The following ERBB4 variants were observed in gnomAD, a reference collection of about 807,000 sequenced individuals.
The protein encoded by ERBB4 is receptor tyrosine-protein kinase erbB-4.
A neutral mutation model predicts 158.0 loss-of-function variants in ERBB4; 42 were observed. That is an observed-to-expected ratio of 0.27 (90% confidence interval 0.21 to 0.34). The LOEUF (loss-of-function observed/expected upper bound fraction) is 0.34. Ranked by LOEUF, ERBB4 falls within the 10% of genes least tolerant of loss-of-function variation. The pLI, the probability that ERBB4 is intolerant of heterozygous loss-of-function variation, is 1.00. For synonymous variants in ERBB4, 583 were observed against 558.7 expected (o/e 1.04, Z -0.61); for missense variants, 1,333 against 1,624.1 (o/e 0.82, Z 3.08).
chr2:211,707,839 T>C (rs1360782652), intron 9 of ERBB4, among the ~76,000 whole-genome samples: 2 of 152,172 alleles, frequency 1.3e-5, no homozygotes, highest in Admixed American at 1.3e-4. Flanking sequence ...TTTTAATTGA[T>C]GAATTGCCAG....
chr2:211,831,887 C>T (rs978585851), intron 3 of ERBB4, among the ~76,000 whole-genome samples: 7 of 149,892 alleles, frequency 4.7e-5, no homozygotes, highest in Non-Finnish European at 7.4e-5. Context: ...TGGGCAACAA[C>T]AGCGAGACTC....
chr2:212,475,181 G>A (rs1050123986), intron 1 of ERBB4, among the ~76,000 whole-genome samples: 1 of 152,076 alleles, frequency 6.6e-6, no homozygotes, highest in African/African-American at 2.4e-5. Context: ...CTCTAGCTAT[G>A]CCAGCTTTAT....
At chr2:212,216,319 T>A (rs2105939826) in intron 1 of ERBB4, among the ~76,000 whole-genome samples, 1 of 151,514 alleles carries the variant, frequency 6.6e-6, no homozygotes, top group Non-Finnish European at 1.5e-5. Flanking sequence ...AAAAATGCAA[T>A]ATGTATCAAA....
At chr2:212,031,271 A>G (rs1024110174) in intron 2 of ERBB4, among the ~76,000 whole-genome samples, 111 of 152,104 alleles carry the variant, frequency 7.3e-4, no homozygotes, top group Non-Finnish European at 1.3e-3. Flanking sequence ...AAATCTTTTG[A>G]CCAGTCATTC....
intron 5 of ERBB4, among the ~76,000 whole-genome samples, chr2:211,744,917 T>A (rs2074915604): frequency 6.6e-6 from 1 of 152,234 alleles, no homozygotes; most frequent in Non-Finnish European, 1.5e-5. Context: ...CAGAAAAGCC[T>A]TCACTAAAGT....
rs141751863 is a variant in ERBB4 at position 211,410,969 on chromosome 2, C to T, written c.3135+9472G>A. Among the ~76,000 whole-genome samples the T allele has an allele frequency of 9.8e-3, 1,487 of 152,230 alleles. 16 individuals are homozygous for T. The highest frequency in any genetic ancestry group is 0.065 in the Middle Eastern group (19 of 294). ...CTGTTGCCAGGCTGAAGTACAGTGG[C>T]GTGATCTCGGCTCACTGCAGCCTCC... On this transcript the variant is annotated intron_variant, in intron 25 of 27. Coordinates refer to ENST00000342788, the MANE Select transcript of ERBB4 (RefSeq NM_005235.3).
At chr2:212,306,772 A>C (rs1438426963) in intron 1 of ERBB4, among the ~76,000 whole-genome samples, 2 of 151,076 alleles carry the variant, frequency 1.3e-5, no homozygotes, top group Non-Finnish European at 3.0e-5. Context: ...ATTTATTCAT[A>C]TTGTTTTTGG....
At chr2:212,171,709 T>A (rs2081525462) in intron 1 of ERBB4, among the ~76,000 whole-genome samples, 2 of 152,296 alleles carry the variant, frequency 1.3e-5, no homozygotes, top group South Asian at 4.1e-4. Context: ...CTTTACATAG[T>A]TCTCTTGCCT....
At chr2:212,367,475 T>A (rs1223351422) in intron 1 of ERBB4, among the ~76,000 whole-genome samples, 1 of 152,118 alleles carries the variant, frequency 6.6e-6, no homozygotes, top group Non-Finnish European at 1.5e-5. Context: ...GACCTGAAAC[T>A]ATTCAAATTC....
intron 4 of ERBB4, among the ~76,000 whole-genome samples, chr2:211,752,556 AAG>A (rs1491139705): frequency 1.7e-5 from 2 of 114,968 alleles, no homozygotes; most frequent in Non-Finnish European, 4.0e-5. Flanking sequence ...AAAGTAAAGA[AAG>A]AGGAAGGAAG....
At chr2:211,715,412 C>T (rs1331195731) in intron 7 of ERBB4, among the ~76,000 whole-genome samples, 2 of 152,204 alleles carry the variant, frequency 1.3e-5, no homozygotes, top group African/African-American at 2.4e-5. Context: ...AACCTAATCT[C>T]TATCTCAGGG....
chr2:211,616,896 C>T (rs930604983), intron 19 of ERBB4, among the ~76,000 whole-genome samples: 8 of 152,170 alleles, frequency 5.3e-5, no homozygotes, highest in African/African-American at 1.7e-4. Flanking sequence ...TCTTCTGAAT[C>T]TGTTGGTTAC....
intron 1 of ERBB4, among the ~76,000 whole-genome samples, chr2:212,299,446 T>C (rs1446401347): frequency 6.6e-6 from 1 of 151,666 alleles, no homozygotes; most frequent in Non-Finnish European, 1.5e-5. Flanking sequence ...ACTCATTGTT[T>C]TAGAAACCAT....
intron 20 of ERBB4, among the ~76,000 whole-genome samples, chr2:211,518,772 C>G (rs2066109633): frequency 6.6e-6 from 1 of 151,968 alleles, no homozygotes; most frequent in Admixed American, 6.6e-5. Flanking sequence ...ATAATATAAA[C>G]TCTGAAACAT....
chr2:212,264,942 T>C (rs1013025920), intron 1 of ERBB4, among the ~76,000 whole-genome samples: 10 of 152,114 alleles, frequency 6.6e-5, no homozygotes, highest in African/African-American at 2.4e-4. Flanking sequence ...TATTTCCACA[T>C]AGGAATGGAA....
intron 20 of ERBB4, among the ~76,000 whole-genome samples, chr2:211,458,675 TTC>T (rs142834751): frequency 0.012 from 1,893 of 152,284 alleles, 14 homozygotes; most frequent in Middle Eastern, 0.017. Flanking sequence ...TTTCCCTGAC[TTC>T]TGTTTTCTTG....
At chr2:211,914,050 A>C (rs1420236681) in intron 3 of ERBB4, among the ~76,000 whole-genome samples, 6 of 57,988 alleles carry the variant, frequency 1.0e-4, no homozygotes, top group Non-Finnish European at 1.5e-4. Flanking sequence ...TTGGAATGAC[A>C]AAAAAAAAAA....
At chr2:212,479,104 G>T (rs1375898143) in intron 1 of ERBB4, among the ~76,000 whole-genome samples, 1 of 152,122 alleles carries the variant, frequency 6.6e-6, no homozygotes, top group African/African-American at 2.4e-5. Flanking sequence ...CAGAATGATT[G>T]TTACATTACA....
chr2:211,890,302 A>G (rs1265646057), intron 3 of ERBB4, among the ~76,000 whole-genome samples: 5 of 125,872 alleles, frequency 4.0e-5, no homozygotes, highest in Admixed American at 1.7e-4. Context: ...ATCCAGCCAA[A>G]CTAAGCTTCA....
Sources: gnomAD v4.1 joint callset for allele counts (sites outside exome capture counted in the v4.1 genomes callset) on GRCh38, gnomAD v4.1.1 for gene constraint, MANE v1.5 for transcripts, NCBI Gene and HGNC (gene_info 2026-07-23, HGNC 2026-07-21) for gene names.